RAI14: variants seen among roughly 807,000 people sequenced by gnomAD.
The protein encoded by RAI14 is ankycorbin.
A neutral mutation model predicts 115.4 loss-of-function variants in RAI14; 45 were observed. The observed-to-expected ratio is 0.39, with a 90% CI of 0.31 to 0.50. RAI14 has a LOEUF of 0.50. Ranked by LOEUF, RAI14 falls within the 20% of genes least tolerant of loss-of-function variation. The probability of loss-of-function intolerance (pLI) is 0.85; values close to 1 mark genes in which losing one functional copy is unlikely to be tolerated. For missense variants in RAI14, 939 were observed against 1,131.2 expected, an observed-to-expected ratio of 0.83 and a Z score of 2.44; for synonymous variants, 371 against 415.4, an observed-to-expected ratio of 0.89 and a Z score of 1.30.
chr5:34,706,267 C>G (rs775793908), intron 2 of RAI14, among the ~76,000 whole-genome samples: 1 of 152,218 alleles, frequency 6.6e-6, no homozygotes, highest in Non-Finnish European at 1.5e-5. Flanking sequence ...TCATATAATT[C>G]AGTTTTCCTT....
intron 3 of RAI14, among the ~76,000 whole-genome samples, chr5:34,792,605 A>G (rs1753065063): frequency 6.6e-6 from 1 of 152,242 alleles, no homozygotes; most frequent in South Asian, 2.1e-4. Flanking sequence ...TTTGTGTGAC[A>G]TCAGAACACA....
In RAI14 at chr5:34,811,026, G is replaced by A. The variant is rs35607113; in HGVS notation, c.465G>A (p.Pro155=). Residue 155 remains proline, a synonymous_variant, in exon 8 of 18, where the codon CCG becomes CCA. Coordinates refer to ENST00000265109, the MANE Select transcript of RAI14 (RefSeq NM_015577.3). ...INLKDLDGNI[P]LLLAVQNGHS... ...TTGTCTCCTAGGATGGGAATATACC[G>A]CTGCTTCTTGCTGTACAAAATGGTC... 278,181 of 1,613,512 alleles carry A rather than the reference G, an allele frequency of 0.17. 26,457 individuals are homozygous for A. The highest frequency in any genetic ancestry group is 0.19 in the Middle Eastern group (1,169 of 6,060).
At position 34,757,526 on chromosome 5, in the gene RAI14, C is replaced by A; in HGVS notation, c.95C>A (p.Ala32Glu). The A allele has an allele frequency of 6.2e-7, 1 of 1,613,846 alleles. No homozygotes were observed. Among genetic ancestry groups the A allele is most frequent in the Non-Finnish European group, 8.5e-7 (1 of 1,179,954 alleles). The change falls in exon 3 of 18, where the codon GCG (alanine) becomes GAG (glutamate). Residue 32 changes from alanine to glutamate, a missense_variant. Physicochemically the swap from Ala to Glu is moderately radical, Grantham distance 107. Coordinates refer to ENST00000265109, the MANE Select transcript of RAI14 (RefSeq NM_015577.3). ...CTGCAGGCCGTGGAGAATGGAGATG[C>A]GGAGAAGGTGGCCTCACTGCTCGGC... is the stretch of plus-strand genomic sequence containing the variant. ...RLLQAVENGD[A>E]EKVASLLGKK...
intron 2 of RAI14, among the ~76,000 whole-genome samples, chr5:34,708,317 C>T (rs564180174): frequency 9.9e-5 from 15 of 152,010 alleles, no homozygotes; most frequent in Non-Finnish European, 2.9e-5. Context: ...ATTCTCCTGC[C>T]GTAGCCTCCC....
chr5:34,824,015 G>T lies in RAI14; in HGVS notation c.2173G>T (p.Glu725Ter). ...CAAACAACTGGTGGATGCACAAAAAGAGAACTCTGTCTCTATCACAGAACA... is the reference window on the plus strand; with the variant it reads ...CAAACAACTGGTGGATGCACAAAAATAGAACTCTGTCTCTATCACAGAACA... The part of the protein sequence containing the change: ...QLKQLVDAQK[E>*]NSVSITEHLQ... The change falls in exon 15 of 18, where the codon GAG (glutamate) becomes TAG (stop). Residue 725 changes from glutamate (E) to a stop codon, truncating the protein, a stop_gained. Coordinates refer to ENST00000265109, the MANE Select transcript of RAI14 (RefSeq NM_015577.3). LOFTEE classifies it high-confidence loss of function. The T allele has an allele frequency of 6.2e-7, 1 of 1,614,038 alleles. No individual in the cohort carries two copies. The highest frequency in any genetic ancestry group is 1.1e-5 in the South Asian group (1 of 91,040).
At chr5:34,766,708 T>C (rs1003118598) in intron 3 of RAI14, among the ~76,000 whole-genome samples, 10 of 152,178 alleles carry the variant, frequency 6.6e-5, no homozygotes, top group African/African-American at 2.2e-4. Context: ...GGGGGAACTG[T>C]TGGGAAGGCA....
At chr5:34,731,670 G>A (rs1356994185) in intron 2 of RAI14, among the ~76,000 whole-genome samples, 1 of 152,102 alleles carries the variant, frequency 6.6e-6, no homozygotes, top group Non-Finnish European at 1.5e-5. Flanking sequence ...AAGGTAATAA[G>A]CATCTCAGAA....
chr5:34,769,268 C>T (rs115801393), intron 3 of RAI14, among the ~76,000 whole-genome samples: 6,334 of 152,210 alleles, frequency 0.042, 136 homozygotes, highest in Admixed American at 0.064. Context: ...TCAGCTATTG[C>T]AGCTGCTTTT....
Position 34,788,651 on chromosome 5 carries a change from A to G in RAI14, c.168-7288A>G, listed in dbSNP as rs180867426. Among the ~76,000 whole-genome samples the G allele has an allele frequency of 1.8e-4, 27 of 152,318 alleles. No individual in the cohort carries two copies. The East Asian group carries it at 5.0e-3, about 28-fold the overall frequency. On this transcript the variant is annotated intron_variant, in intron 3 of 17. Coordinates refer to ENST00000265109, the MANE Select transcript of RAI14 (RefSeq NM_015577.3). ...TGATACCATACTTGAGTTAATTCCA[A>G]TGCCTTAGGATTAACATTGTTAAGA...
rs173046 is a variant in RAI14 at position 34,781,181 on chromosome 5, T to A, written c.168-14758T>A. 4.4e-5 allele frequency among the ~76,000 whole-genome samples: 6 copies of A among 135,658 alleles called. No individual in the cohort carries two copies. The South Asian group carries it at 1.2e-3, about 26-fold the overall frequency. 89.0% of individuals were successfully genotyped at this position (135,658 alleles called of 152,430 possible). Reference sequence around the variant, plus strand: ...GGTGGGAATCGAACAATGAGAACACTTGGACACAGGAAGGGGAACATCACA... The same window carrying A: ...GGTGGGAATCGAACAATGAGAACACATGGACACAGGAAGGGGAACATCACA... On this transcript the variant is annotated intron_variant, in intron 3 of 17. Coordinates refer to ENST00000265109, the MANE Select transcript of RAI14 (RefSeq NM_015577.3).
At chr5:34,698,610 C>T (rs1739633656) in intron 2 of RAI14, among the ~76,000 whole-genome samples, 1 of 151,934 alleles carries the variant, frequency 6.6e-6, no homozygotes, top group African/African-American at 2.4e-5. Flanking sequence ...TTGGGATTAA[C>T]AGAGGAAACC....
rs71820739 is a variant in RAI14 at position 34,812,060 on chromosome 5, GA to G, written c.737-111del. On this transcript the variant is annotated intron_variant, in intron 9 of 17. Transcript: ENST00000265109. The stretch of plus-strand genomic sequence containing the variant: ...TTATTATTCTTTTAAACATATTCTT[GA>G]AAAAAAAAGGAGTGTTAAAAAATAT... The G allele has an allele frequency of 1.4e-3, 1,790 of 1,248,042 alleles. 12 individuals are homozygous for G. In the African/African-American group the frequency reaches 0.021, roughly 15 times the overall value. The allele number at this position is 1,248,042 out of a possible 1,614,324, so 77.3% of individuals were successfully genotyped here. A position where few individuals can be genotyped will look rare whatever the true frequency, so the allele number is the denominator to read the frequency against.
Position 34,823,338 on chromosome 5 carries a change from T to C in RAI14, c.1496T>C (p.Val499Ala). ...QSKYEEAMKE[V>A]LSVQKQMKLG... ...AAATACGAGGAGGCTATGAAAGAAG[T>C]CCTTAGTGTGCAGAAGCAGATGAAA... Residue 499 changes from valine (V) to alanine (A), a missense_variant, in exon 15 of 18, where the codon GTC becomes GCC. Physicochemically the swap from Val to Ala is moderately conservative, Grantham distance 64. Coordinates refer to ENST00000265109, the MANE Select transcript of RAI14 (RefSeq NM_015577.3). The surrounding 1 kb of genome is among the most constrained non-coding windows in gnomAD (Gnocchi z 4.5). 6.2e-7 allele frequency: 1 copy of C among 1,613,916 alleles called. No homozygotes were observed. Among genetic ancestry groups the C allele is most frequent in the East Asian group, 2.2e-5 (1 of 44,876 alleles).
At chr5:34,821,243 A>G (rs1392080818) in intron 13 of RAI14, among the ~76,000 whole-genome samples, 5 of 152,346 alleles carry the variant, frequency 3.3e-5, no homozygotes, top group Middle Eastern at 3.4e-3. Context: ...GTTGCTGTGC[A>G]GGCTACAGTT....
chr5:34,773,519 A>C (rs1446820903), intron 3 of RAI14, among the ~76,000 whole-genome samples: 5 of 152,240 alleles, frequency 3.3e-5, no homozygotes, highest in African/African-American at 9.6e-5. Flanking sequence ...CAAGGAACTA[A>C]TATCCGGAAT....
chr5:34,700,096 G>A (rs1739859946), intron 2 of RAI14, among the ~76,000 whole-genome samples: 1 of 152,176 alleles, frequency 6.6e-6, no homozygotes, highest in Non-Finnish European at 1.5e-5. Flanking sequence ...TGGGAACTGA[G>A]ACTTCAGGTA....
chr5:34,704,682 C>A (rs1011011175), intron 2 of RAI14, among the ~76,000 whole-genome samples: 4 of 152,152 alleles, frequency 2.6e-5, no homozygotes, highest in African/African-American at 9.7e-5. Flanking sequence ...TCTATCAAAT[C>A]TTTTTAAAAA....
intron 2 of RAI14, among the ~76,000 whole-genome samples, chr5:34,739,571 TG>T (rs965800366): frequency 1.4e-4 from 22 of 152,158 alleles, no homozygotes; most frequent in African/African-American, 4.8e-4. Context: ...AAGGATATTT[TG>T]GGGGCAGTTG....
intron 12 of RAI14, among the ~76,000 whole-genome samples, chr5:34,815,621 CAG>C (rs1277926391): frequency 6.6e-6 from 1 of 152,070 alleles, no homozygotes; most frequent in Non-Finnish European, 1.5e-5. Context: ...CCCATAGAAG[CAG>C]AGAGTAGAAT....
Sources: allele counts gnomAD v4.1 joint callset (sites outside exome capture counted in the v4.1 genomes callset), GRCh38; gene constraint gnomAD v4.1.1; non-coding constraint Gnocchi (gnomAD v3.1); transcripts MANE v1.5; gene names NCBI Gene and HGNC (gene_info 2026-07-23, HGNC 2026-07-21).